The following CARD8 variants were observed in gnomAD, a reference collection of about 807,000 sequenced individuals.
The protein encoded by CARD8 is caspase recruitment domain family member 8, also known as caspase recruitment domain-containing protein 8.
Under a neutral mutation model 53.2 loss-of-function variants are expected in CARD8, and 38 were observed. The ratio of observed to expected loss-of-function variants is 0.71; its 90% CI spans 0.55 to 0.94. CARD8 has a LOEUF of 0.94. Among genes scored for constraint, CARD8 ranks in the 40% least tolerant of loss-of-function variants. CARD8 has a pLI of 0.00. For synonymous variants in CARD8, 245 were observed against 244.9 expected (o/e 1.00, Z 0.00); for missense variants, 561 against 655.5 (o/e 0.86, Z 1.57).
chr19:48,223,952 CTGCAACCCCCAAA>C (rs1186781200), intron 10 of CARD8: 1 of 449,218 alleles, frequency 2.2e-6, no homozygotes, highest in Non-Finnish European at 4.5e-6. Context: ...TAGAAATGTA[CTGCAACCCCCAAA>C]TGCAATTTTT....
At chr19:48,206,829 C>G (rs1334425058), downstream of CARD8, among the ~76,000 whole-genome samples, 6 of 152,208 alleles carry the variant, frequency 3.9e-5, no homozygotes, top group East Asian at 1.9e-4. Flanking sequence ...TAACAACTCA[C>G]AGTCAGGACC....
At position 48,218,368 on chromosome 19, in the gene CARD8, TTTTTTTC is replaced by T. The variant is rs1215685057; in HGVS notation, c.1303+496_1303+502del. Among the ~76,000 whole-genome samples, 127 of 57,384 alleles carry T rather than the reference TTTTTTTC, an allele frequency of 2.2e-3. 1 individual carries two copies. Among genetic ancestry groups the T allele is most frequent in the African/African-American group, 4.4e-3 (121 of 27,294 alleles). The allele number at this position is 57,384 out of a possible 152,430, so 37.6% of individuals were successfully genotyped here. ...TTATCTTCTTCTTTTTTTTTTTTTTTTTTTTTCAGATGGAGTTTCGCTCTTATTGCCC... is the reference window on the plus strand; with the variant it reads ...TTATCTTCTTCTTTTTTTTTTTTTTTAGATGGAGTTTCGCTCTTATTGCCC... On this transcript the variant is annotated intron_variant, in intron 12 of 13. Transcript: ENST00000651546.
At chr19:48,215,406 TATG>T in intron 12 of CARD8, 22 bp from the exon 13 acceptor site, 1 of 1,558,038 alleles carries the variant, frequency 6.4e-7, no homozygotes, top group Non-Finnish European at 8.9e-7. Context: ...GGAAAAATTA[TATG>T]ATGAGATGAG....
At chr19:48,250,032 T>C (rs2046750214) in intron 1 of CARD8, among the ~76,000 whole-genome samples, 185 bp from the exon 2 acceptor site, 1 of 152,250 alleles carries the variant, frequency 6.6e-6, no homozygotes, top group South Asian at 2.1e-4. Flanking sequence ...TTTTAATTTC[T>C]GTAATAATAA....
chr19:48,223,950 T>C (rs1446233630), intron 10 of CARD8: 1 of 450,426 alleles, frequency 2.2e-6, no homozygotes, highest in Non-Finnish European at 4.5e-6. Context: ...AATAGAAATG[T>C]ACTGCAACCC....
chr19:48,205,532 T>A (rs1332551928), downstream of CARD8, among the ~76,000 whole-genome samples: 1 of 152,154 alleles, frequency 6.6e-6, no homozygotes, highest in Non-Finnish European at 1.5e-5. Flanking sequence ...GCCTGGCCCA[T>A]ATACAATTGT....
intron 10 of CARD8, among the ~76,000 whole-genome samples, 186 bp downstream of exon 10, chr19:48,230,252 G>C (rs2042595337): frequency 6.6e-6 from 1 of 152,188 alleles, no homozygotes; most frequent in East Asian, 1.9e-4. Context: ...CACTACTGAA[G>C]ATGGTTAGGG....
Position 48,210,001 on chromosome 19 carries a change from G to T in CARD8, c.*1709C>A, listed in dbSNP as rs1367727494. 1 of 152,080 alleles carries T rather than the reference G, an allele frequency of 6.6e-6. No homozygotes were observed. The highest frequency in any genetic ancestry group is 1.5e-5 in the Non-Finnish European group (1 of 68,000). The allele number at this position is 152,080 out of a possible 1,614,324, so 9.4% of individuals were successfully genotyped here. A position where few individuals can be genotyped will look rare whatever the true frequency, so the allele number is the denominator to read the frequency against. The stretch of plus-strand genomic sequence containing the variant: ...CTGAAAACCTCTAAGTTTGGTAAAA[G>T]ACATAAAACTGCAAATTTATGAATT... On this transcript the variant is annotated 3_prime_UTR_variant, in exon 14 of 14. Transcript: ENST00000651546.
At chr19:48,232,027 A>C (rs920934487) in intron 7 of CARD8, 14 of 648,212 alleles carry the variant, frequency 2.2e-5, no homozygotes, top group Non-Finnish European at 4.0e-5. Flanking sequence ...CAAATTCCAT[A>C]AGACTTTCTG....
Position 48,211,566 on chromosome 19 carries a change from A to T in CARD8, c.*144T>A. The T allele has an allele frequency of 1.4e-6, 1 of 739,386 alleles. No individual in the cohort carries two copies. Among genetic ancestry groups the T allele is most frequent in the Non-Finnish European group, 2.2e-6 (1 of 449,476 alleles). The allele number at this position is 739,386 out of a possible 1,614,324, so 45.8% of individuals were successfully genotyped here. ...ACAGTCAATAGGTACATGCCAGGTTACAAGTCTGTCCTGAAAGCCTGTGTG... is the reference window on the plus strand; with the variant it reads ...ACAGTCAATAGGTACATGCCAGGTTTCAAGTCTGTCCTGAAAGCCTGTGTG... On this transcript the variant is annotated 3_prime_UTR_variant, in exon 14 of 14. Coordinates refer to ENST00000651546, the MANE Select transcript of CARD8 (RefSeq NM_001184900.3).
At chr19:48,253,304 C>T (rs1600784368) in intron 1 of CARD8, among the ~76,000 whole-genome samples, 1 of 151,968 alleles carries the variant, frequency 6.6e-6, no homozygotes, top group Non-Finnish European at 1.5e-5. Context: ...AGGCTGGTCT[C>T]GAACTCCTGG....
chr19:48,230,048 T>G (rs113133049), intron 10 of CARD8, among the ~76,000 whole-genome samples: 6,068 of 152,012 alleles, frequency 0.04, 389 homozygotes, highest in African/African-American at 0.13. Flanking sequence ...GAGAAGTGGA[T>G]GTTGCAGTGA....
chr19:48,215,926 T>C (rs1259723285), intron 12 of CARD8, among the ~76,000 whole-genome samples: 1 of 152,172 alleles, frequency 6.6e-6, no homozygotes, highest in Non-Finnish European at 1.5e-5. Flanking sequence ...AGATGAATTT[T>C]GCAACATGCC....
intron 10 of CARD8, among the ~76,000 whole-genome samples, chr19:48,227,803 A>G (rs1471740492): frequency 7.0e-5 from 1 of 14,238 alleles, no homozygotes; most frequent in East Asian, 2.3e-3. Flanking sequence ...ACTCCATCAC[A>G]AAAAAAAAAA....
chr19:48,234,323 A>C (rs1486011331), intron 6 of CARD8, 80 bp downstream of exon 6: 2 of 1,435,240 alleles, frequency 1.4e-6, no homozygotes, highest in African/African-American at 2.9e-5. Context: ...AAAAACACCC[A>C]AATTCCTCTA....
intron 12 of CARD8, among the ~76,000 whole-genome samples, chr19:48,218,080 G>A (rs2039697196): frequency 1.3e-5 from 2 of 152,004 alleles, no homozygotes; most frequent in South Asian, 4.2e-4. Flanking sequence ...GGCCCCTTGA[G>A]CATTTCACTT....
At chr19:48,212,095 T>C (rs1414668981) in intron 13 of CARD8, 120 bp from the exon 14 acceptor site, 4 of 863,342 alleles carry the variant, frequency 4.6e-6, no homozygotes, top group South Asian at 3.5e-5. Context: ...TGTAGCTTAA[T>C]TTGTGGACAT....
intron 5 of CARD8, among the ~76,000 whole-genome samples, chr19:48,237,730 G>A (rs2044168610): frequency 6.6e-6 from 1 of 151,616 alleles, no homozygotes; most frequent in South Asian, 2.1e-4. Context: ...CCCAGAAGCA[G>A]AGGTTGTAGT....
At position 48,245,273 on chromosome 19, in the gene CARD8, A is replaced by G. The variant is rs1482774444; in HGVS notation, c.-43-4210T>C. 2.0e-5 allele frequency among the ~76,000 whole-genome samples: 3 copies of G among 152,144 alleles called. No individual in the cohort carries two copies. The East Asian group carries it at 5.8e-4, about 29-fold the overall frequency. On this transcript the variant is annotated intron_variant, in intron 3 of 13. Coordinates refer to ENST00000651546, the MANE Select transcript of CARD8 (RefSeq NM_001184900.3). Reference sequence around the variant, plus strand: ...CGCTCAGGCTGTAGAGAAGTGGCACAATCTCGGCTCACTGCAACCTCTGCA... The same window carrying G: ...CGCTCAGGCTGTAGAGAAGTGGCACGATCTCGGCTCACTGCAACCTCTGCA...
Sources: gnomAD v4.1 joint callset for allele counts (sites outside exome capture counted in the v4.1 genomes callset) on GRCh38, gnomAD v4.1.1 for gene constraint, MANE v1.5 for transcripts, NCBI Gene and HGNC (gene_info 2026-07-23, HGNC 2026-07-21) for gene names.